The following HDGFL3 variants were observed in gnomAD, a reference collection of about 807,000 sequenced individuals.
The protein encoded by HDGFL3 is hepatoma-derived growth factor-related protein 3.
A neutral mutation model predicts 27.6 loss-of-function variants in HDGFL3; 6 were observed. That is an observed-to-expected ratio of 0.22 (90% CI 0.12 to 0.43). HDGFL3 has a LOEUF of 0.43. HDGFL3 is among the 20% of genes least tolerant of loss of function. The probability of loss-of-function intolerance (pLI) is 1.00; values close to 1 mark genes in which losing one functional copy is unlikely to be tolerated. For missense variants in HDGFL3, 207 were observed against 250.1 expected (o/e 0.83, Z 1.16); for synonymous variants, 88 against 88.9 (o/e 0.99, Z 0.05).
At chr15:83,202,154 G>C (rs1047741360) in intron 1 of HDGFL3, among the ~76,000 whole-genome samples, 1 of 152,078 alleles carries the variant, frequency 6.6e-6, no homozygotes, top group South Asian at 2.1e-4. Context: ...TTAATAAAGG[G>C]TATGGAAACA....
chr15:83,136,777 T>G lies in HDGFL3; in HGVS notation c.*2493A>C. 1 of 982,810 alleles carries G rather than the reference T, an allele frequency of 1.0e-6. No homozygotes were observed. The highest frequency in any genetic ancestry group is 1.5e-6 in the Non-Finnish European group (1 of 666,658). The allele number at this position is 982,810 out of a possible 1,614,324, so 60.9% of individuals were successfully genotyped here. A position where few individuals can be genotyped will look rare whatever the true frequency, so the allele number is the denominator to read the frequency against. ...CTTCTCATACGTGAGTACTTAAGAA[T>G]ATGTACATTCTTGCTCTGCACTGTA... On this transcript the variant is annotated 3_prime_UTR_variant, in exon 6 of 6. Transcript: ENST00000299633.
chr15:83,133,558 A>G lies in HDGFL3; in HGVS notation c.*5712T>C. ...AGAATGAAGTGGAAGAAAAATTATT[A>G]GGGACTCAACCTCACATTGCTAAAT... is the stretch of plus-strand genomic sequence containing the variant. On this transcript the variant is annotated 3_prime_UTR_variant, in exon 6 of 6. Coordinates refer to ENST00000299633, the MANE Select transcript of HDGFL3 (RefSeq NM_016073.4). 1 of 152,386 alleles carries G rather than the reference A, an allele frequency of 6.6e-6. No homozygotes were observed. Among genetic ancestry groups the G allele is most frequent in the Non-Finnish European group, 1.5e-5 (1 of 68,036 alleles). The allele number at this position is 152,386 out of a possible 1,614,324, so 9.4% of individuals were successfully genotyped here.
At chr15:83,203,971 A>T (rs2037684021) in intron 1 of HDGFL3, among the ~76,000 whole-genome samples, 1 of 148,290 alleles carries the variant, frequency 6.7e-6, no homozygotes, top group African/African-American at 2.5e-5. Context: ...TAGCTAATCC[A>T]TAACATAGAT....
chr15:83,121,768 G>T (rs1041778334), intron 3 of HDGFL3: 1 of 617,282 alleles, frequency 1.6e-6, no homozygotes, highest in Admixed American at 3.4e-5. Flanking sequence ...CATAACCAGG[G>T]CTCCTTGTGT....
chr15:83,151,191 G>C, intron 5 of HDGFL3, 24 bp downstream of exon 5: 2 of 1,600,110 alleles, frequency 1.2e-6, no homozygotes, highest in Admixed American at 1.8e-5. Context: ...TAGAAGGTAA[G>C]AGAAATTATA....
intron 1 of HDGFL3, among the ~76,000 whole-genome samples, chr15:83,167,791 C>T (rs2151407952): frequency 6.6e-6 from 1 of 152,242 alleles, no homozygotes; most frequent in Admixed American, 6.5e-5. Context: ...AGAAAACTAA[C>T]AAAGAAATTC....
chr15:83,136,509 T>G lies in HDGFL3; in HGVS notation c.*2761A>C, dbSNP rs538104358. 5 of 1,593,802 alleles carry G rather than the reference T, an allele frequency of 3.1e-6. No individual in the cohort carries two copies. The African/African-American group carries it at 6.8e-5, about 22-fold the overall frequency. ...CAGTTTTCTCACATTGGTGCATCTCTTCATGCTAGAACTGCTTATGTCTAC... is the reference window on the plus strand; with the variant it reads ...CAGTTTTCTCACATTGGTGCATCTCGTCATGCTAGAACTGCTTATGTCTAC... On this transcript the variant is annotated 3_prime_UTR_variant, in exon 6 of 6. Coordinates refer to ENST00000299633, the MANE Select transcript of HDGFL3 (RefSeq NM_016073.4).
At chr15:83,199,948 A>T (rs1303977698) in intron 1 of HDGFL3, among the ~76,000 whole-genome samples, 1 of 150,518 alleles carries the variant, frequency 6.6e-6, no homozygotes, top group Non-Finnish European at 1.5e-5. Flanking sequence ...CAGGAGACTG[A>T]GGCAGAGAAT....
At position 83,188,843 on chromosome 15, in the gene HDGFL3, T is replaced by A. The variant is rs544301368; in HGVS notation, c.84+18488A>T. ...ATCTTCAAACTCCAGACCTCTCATA[T>A]GAGCTTCAGACTCACATATTGGGTG... On this transcript the variant is annotated intron_variant, in intron 1 of 5. Transcript: ENST00000299633. 9.6e-4 allele frequency among the ~76,000 whole-genome samples: 146 copies of A among 152,310 alleles called. 1 individual carries two copies. The highest frequency in any genetic ancestry group is 1.7e-3 in the Non-Finnish European group (116 of 68,018).
At chr15:83,184,918 G>A (rs982354996) in intron 1 of HDGFL3, 3 of 152,190 alleles carry the variant, frequency 2.0e-5, no homozygotes, top group East Asian at 1.9e-4. Context: ...TTTCACTCTC[G>A]TACAACAACA....
At chr15:83,155,949 A>G (rs17508610) in intron 4 of HDGFL3, among the ~76,000 whole-genome samples, 30,835 of 152,146 alleles carry the variant, frequency 0.2, 3,267 homozygotes, top group Admixed American at 0.22. Context: ...TGTATTTCTG[A>G]ATTACCATAT....
At chr15:83,197,165 C>G (rs957560838) in intron 1 of HDGFL3, among the ~76,000 whole-genome samples, 3 of 152,218 alleles carry the variant, frequency 2.0e-5, no homozygotes, top group African/African-American at 7.2e-5. Flanking sequence ...CCCCTGACAT[C>G]ACACATAGCA....
At chr15:83,153,880 T>C (rs1212780852) in intron 4 of HDGFL3, among the ~76,000 whole-genome samples, 1 of 152,106 alleles carries the variant, frequency 6.6e-6, no homozygotes, top group Non-Finnish European at 1.5e-5. Context: ...ACTGAGCGTT[T>C]TCCTTAGAAA....
downstream of HDGFL3, among the ~76,000 whole-genome samples, chr15:83,124,010 AC>A (rs1194407729): frequency 6.6e-6 from 1 of 152,324 alleles, no homozygotes; most frequent in Non-Finnish European, 1.5e-5. Context: ...GGAAATCATC[AC>A]ACAGATACCA....
At position 83,132,447 on chromosome 15, in the gene HDGFL3, ACTCT is replaced by A. The variant is rs1319264518; in HGVS notation, c.*6819_*6822del. On this transcript the variant is annotated 3_prime_UTR_variant, in exon 6 of 6. Coordinates refer to ENST00000299633, the MANE Select transcript of HDGFL3 (RefSeq NM_016073.4). ...TACTTCAGTCAGGTGCTGCCCTCAG[ACTCT>A]CTAACTCCCTGGCTATGTAGGTGCT... 2 of 151,954 alleles carry A rather than the reference ACTCT, an allele frequency of 1.3e-5. No individual in the cohort carries two copies. Among genetic ancestry groups the A allele is most frequent in the East Asian group, 3.9e-4 (2 of 5,186 alleles). 9.4% of individuals were successfully genotyped at this position (151,954 alleles called of 1,614,324 possible).
At chr15:83,168,408 A>C (rs954524702) in intron 1 of HDGFL3, among the ~76,000 whole-genome samples, 1 of 152,220 alleles carries the variant, frequency 6.6e-6, no homozygotes, top group Non-Finnish European at 1.5e-5. Flanking sequence ...TAGATCGTTA[A>C]TAAAATTAAC....
Position 83,164,024 on chromosome 15 carries a change from T to C in HDGFL3, c.136A>G (p.Ile46Val), listed in dbSNP as rs1172332473. 5.0e-6 allele frequency: 8 copies of C among 1,612,578 alleles called. No individual in the cohort carries two copies. The highest frequency in any genetic ancestry group is 2.7e-5 in the African/African-American group (2 of 74,816). ...GTTTCATGGGTGCCAAAAAAGAAGA[T>C]AGGATACTTGTTTGCTGGAGGCTTC... ...AVKPPANKYP[I>V]FFFGTHETAF... Residue 46 changes from isoleucine to valine, a missense_variant, in exon 2 of 6, where the codon ATC (isoleucine) becomes GTC (valine). Transcript: ENST00000299633.
At chr15:83,184,654 C>CT in intron 1 of HDGFL3, 1 of 152,222 alleles carries the variant, frequency 6.6e-6, no homozygotes, top group South Asian at 2.1e-4. Flanking sequence ...CTAGGTTCCA[C>CT]TGTTTGGTTT....
Position 83,136,055 on chromosome 15 carries a change from G to A in HDGFL3, c.*3215C>T, listed in dbSNP as rs772747007. The A allele has an allele frequency of 4.5e-5, 7 of 154,154 alleles. No individual in the cohort carries two copies. The highest frequency in any genetic ancestry group is 8.6e-5 in the Non-Finnish European group (6 of 69,558). 9.5% of individuals were successfully genotyped at this position (154,154 alleles called of 1,614,324 possible). On this transcript the variant is annotated 3_prime_UTR_variant, in exon 6 of 6. Transcript: ENST00000299633. ...AAATATTTGTTTTTTAAAACTCTGC[G>A]CTTTCTTCATTTTTATTGGAACGCA...
Sources: allele counts gnomAD v4.1 joint callset (sites outside exome capture counted in the v4.1 genomes callset), GRCh38; gene constraint gnomAD v4.1.1; transcripts MANE v1.5; gene names NCBI Gene and HGNC (gene_info 2026-07-23, HGNC 2026-07-21).